The following KIF13A variants were observed in gnomAD, a reference collection of about 807,000 sequenced individuals.
KIF13A encodes kinesin family member 13A, also known as kinesin-like protein KIF13A.
KIF13A carries 79 observed loss-of-function variants against 212.2 expected under a neutral mutation model. The observed-to-expected ratio is 0.37, with a 90% confidence interval of 0.31 to 0.45. KIF13A has a LOEUF of 0.45. Among genes scored for constraint, KIF13A ranks in the 20% least tolerant of loss-of-function variants. KIF13A has a pLI of 1.00. For synonymous variants in KIF13A, 789 were observed against 808.6 expected, an observed-to-expected ratio of 0.98 and a Z score of 0.41; for missense variants, 1,901 against 2,209.0, an observed-to-expected ratio of 0.86 and a Z score of 2.79.
chr6:17,822,231 C>A (rs1764525096), intron 16 of KIF13A, among the ~76,000 whole-genome samples: 1 of 151,988 alleles, frequency 6.6e-6, no homozygotes, highest in Admixed American at 6.6e-5. Flanking sequence ...TTAAGACAGA[C>A]TGGGATTCAC....
At position 17,918,052 on chromosome 6, in the gene KIF13A, G is replaced by A. The variant is rs367879213; in HGVS notation, c.147-19872C>T. Among the ~76,000 whole-genome samples the A allele has an allele frequency of 3.9e-5, 6 of 152,010 alleles. No individual in the cohort carries two copies. The South Asian group carries it at 6.3e-4, about 16-fold the overall frequency. On this transcript the variant is annotated intron_variant, in intron 2 of 38. Transcript: ENST00000259711. The surrounding 1 kb of genome is among the most constrained non-coding windows in gnomAD (Gnocchi z 4.8). ...CTCGTGGCACCTGTTGCACTTTCTC[G>A]GAGTCATGGTTTGTTGTCTGTCTTG...
intron 4 of KIF13A, among the ~76,000 whole-genome samples, chr6:17,861,483 T>C (rs890755606): frequency 4.6e-5 from 7 of 152,210 alleles, no homozygotes; most frequent in African/African-American, 9.7e-5. Context: ...TATTCTTACA[T>C]GTTTACCTCT....
chr6:17,821,552 GGTGTGTGT>G (rs111387037), intron 16 of KIF13A, among the ~76,000 whole-genome samples: 34 of 112,088 alleles, frequency 3.0e-4, no homozygotes, highest in African/African-American at 9.7e-4. Flanking sequence ...ATTGGGACAT[GGTGTGTGT>G]GTGTGTGTGT....
intron 2 of KIF13A, among the ~76,000 whole-genome samples, chr6:17,921,430 T>G (rs1775059619): frequency 1.3e-5 from 2 of 152,184 alleles, no homozygotes; most frequent in South Asian, 4.1e-4. Context: ...AAAAACATAC[T>G]CAGAGACCTA....
intron 12 of KIF13A, among the ~76,000 whole-genome samples, chr6:17,832,033 A>G (rs1473251581): frequency 6.6e-6 from 1 of 152,124 alleles, no homozygotes; most frequent in African/African-American, 2.4e-5. Flanking sequence ...GAGAAACATA[A>G]AGCAATGTTA....
chr6:17,848,178 T>C lies in KIF13A; in HGVS notation c.830+1199A>G, dbSNP rs112368584. On this transcript the variant is annotated intron_variant, in intron 9 of 38. Transcript: ENST00000259711. ...GGGTAAAGTGTGATATTTTGATACA[T>C]GTATACAATGTATAATGATCAATTT... is the stretch of plus-strand genomic sequence containing the variant. 3.9e-5 allele frequency among the ~76,000 whole-genome samples: 6 copies of C among 152,308 alleles called. 1 individual carries two copies. Among genetic ancestry groups the C allele is most frequent in the African/African-American group, 1.4e-4 (6 of 41,570 alleles).
intron 9 of KIF13A, among the ~76,000 whole-genome samples, chr6:17,846,981 G>T (rs1767129080): frequency 6.6e-6 from 1 of 152,168 alleles, no homozygotes; most frequent in Non-Finnish European, 1.5e-5. Flanking sequence ...CTCTGTCTTG[G>T]TTTTCTCATC....
At chr6:17,964,438 C>T (rs1232458717) in intron 2 of KIF13A, among the ~76,000 whole-genome samples, 4 of 151,842 alleles carry the variant, frequency 2.6e-5, no homozygotes, top group Admixed American at 2.6e-4. Context: ...CTCTATTGCC[C>T]TCAAATATAT....
chr6:17,886,070 A>T lies in KIF13A; in HGVS notation c.159+12098T>A, dbSNP rs1771513309. 6.6e-6 allele frequency among the ~76,000 whole-genome samples: 1 copy of T among 152,246 alleles called. No homozygotes were observed. On this transcript the variant is annotated intron_variant, in intron 3 of 38. Transcript: ENST00000259711. The surrounding 1 kb of genome is among the most constrained non-coding windows in gnomAD (Gnocchi z 5.6). ...AAACAGTCCAAAAGATAAGTTGCAA[A>T]TGTCTAAGCATCTGCTATCAGATCC... is the stretch of plus-strand genomic sequence containing the variant.
chr6:17,805,764 C>A (rs1278964678), intron 18 of KIF13A, 149 bp from the exon 19 acceptor site: 2 of 709,050 alleles, frequency 2.8e-6, no homozygotes, highest in Non-Finnish European at 2.3e-6. Flanking sequence ...CGAGGATAGT[C>A]TGGTTTATTT....
rs1430255904 is a variant in KIF13A, at chr6:17,947,733, C to G, written c.146+39321G>C. On this transcript the variant is annotated intron_variant, in intron 2 of 38. Transcript: ENST00000259711. This position sits in a 1 kb window ranked among gnomAD's most constrained non-coding sequence, Gnocchi z 4.6. ...GCGGGTGCCTGTAATCCCAGCTACT[C>G]AAGAGGCTGAGGCAGGAGAATCACT... is the stretch of plus-strand genomic sequence containing the variant. 6.6e-6 allele frequency among the ~76,000 whole-genome samples: 1 copy of G among 151,964 alleles called. No homozygotes were observed. The highest frequency in any genetic ancestry group is 1.5e-5 in the Non-Finnish European group (1 of 67,998).
rs75597552 is a variant in KIF13A, at chr6:17,850,197, A to G, written c.717+126T>C. 28,974 of 872,230 alleles carry G rather than the reference A, an allele frequency of 0.033. 611 individuals are homozygous for G. Among genetic ancestry groups the G allele is most frequent in the Non-Finnish European group, 0.04 (24,278 of 602,802 alleles). 54.0% of individuals were successfully genotyped at this position (872,230 alleles called of 1,614,324 possible). On this transcript the variant is annotated intron_variant, in intron 8 of 38. Transcript: ENST00000259711. The surrounding 1 kb of genome is among the most constrained non-coding windows in gnomAD (Gnocchi z 6.2). ...AATTAAATGATAAGCAAAGTAGCTCACCTAGTAAGCAGAAGAGCCAACATA... is the reference window on the plus strand; with the variant it reads ...AATTAAATGATAAGCAAAGTAGCTCGCCTAGTAAGCAGAAGAGCCAACATA...
intron 13 of KIF13A, 119 bp downstream of exon 13, chr6:17,830,982 G>T: frequency 1.1e-6 from 1 of 905,504 alleles, no homozygotes; most frequent in South Asian, 1.7e-5. Context: ...ATCCATCTTA[G>T]TTTTACTGAG....
chr6:17,812,669 CTT>C (rs1394386731), intron 17 of KIF13A: 7 of 152,128 alleles, frequency 4.6e-5, no homozygotes, highest in African/African-American at 1.7e-4. Context: ...GGTAGAACAA[CTT>C]ATATTTCTTT....
chr6:17,949,119 C>T (rs532190299), intron 2 of KIF13A, among the ~76,000 whole-genome samples: 3 of 152,244 alleles, frequency 2.0e-5, no homozygotes, highest in South Asian at 2.1e-4. Context: ...TGCTAAAACT[C>T]GCCGACCACT....
In KIF13A at chr6:17,899,247, T is replaced by C. The variant is rs550112222; in HGVS notation, c.147-1067A>G. ...AAGTTATGCAATCTTATGACAGTTC[T>C]TGGCCTTCCTGATAGTTACTCTTGA... On this transcript the variant is annotated intron_variant, in intron 2 of 38. Transcript: ENST00000259711. This position sits in a 1 kb window ranked among gnomAD's most constrained non-coding sequence, Gnocchi z 5.2. Among the ~76,000 whole-genome samples, 1 of 152,130 alleles carries C rather than the reference T, an allele frequency of 6.6e-6. No homozygotes were observed. The highest frequency in any genetic ancestry group is 1.5e-5 in the Non-Finnish European group (1 of 68,040).
chr6:17,923,531 T>A (rs1422994683), intron 2 of KIF13A, among the ~76,000 whole-genome samples: 3 of 150,098 alleles, frequency 2.0e-5, no homozygotes. Context: ...AATCCCTGGG[T>A]TTGGTTTTTT....
rs184042802 is a variant in KIF13A, at chr6:17,892,515, T to C, written c.159+5653A>G. Reference sequence around the variant, plus strand: ...CACTGTGCAGTGATAAGAGTGTCTTTTGTATGCTAATGAGATGACTGGTGG... The same window carrying C: ...CACTGTGCAGTGATAAGAGTGTCTTCTGTATGCTAATGAGATGACTGGTGG... On this transcript the variant is annotated intron_variant, in intron 3 of 38. Coordinates refer to ENST00000259711, the MANE Select transcript of KIF13A (RefSeq NM_022113.6). This position sits in a 1 kb window ranked among gnomAD's most constrained non-coding sequence, Gnocchi z 4.7. Among the ~76,000 whole-genome samples the C allele has an allele frequency of 5.0e-4, 76 of 152,312 alleles. No homozygotes were observed. Among genetic ancestry groups the C allele is most frequent in the African/African-American group, 1.5e-3 (63 of 41,562 alleles).
intron 2 of KIF13A, among the ~76,000 whole-genome samples, chr6:17,908,288 A>C (rs1773709366): frequency 6.6e-6 from 1 of 152,150 alleles, no homozygotes. Flanking sequence ...GATACTTATT[A>C]TATTGTTGAC....
Sources: allele counts gnomAD v4.1 joint callset (sites outside exome capture counted in the v4.1 genomes callset), GRCh38; gene constraint gnomAD v4.1.1; non-coding constraint Gnocchi (gnomAD v3.1); transcripts MANE v1.5; gene names NCBI Gene and HGNC (gene_info 2026-07-23, HGNC 2026-07-21).